The following PTPRT variants were observed in gnomAD, a reference collection of about 807,000 sequenced individuals.
PTPRT encodes the protein protein tyrosine phosphatase receptor type T, also known as receptor-type tyrosine-protein phosphatase T.
In PTPRT, 56 loss-of-function variants were observed where a neutral mutation model predicts 176.8. That is an observed-to-expected ratio of 0.32 (90% CI 0.26 to 0.40). The LOEUF is 0.40. Ranked by LOEUF, PTPRT falls within the 10% of genes least tolerant of loss-of-function variation. The probability of loss-of-function intolerance (pLI) is 1.00; values close to 1 mark genes in which losing one functional copy is unlikely to be tolerated. For synonymous variants in PTPRT, 783 were observed against 739.0 expected (o/e 1.06, Z -0.96); for missense variants, 1,540 against 1,908.2 (o/e 0.81, Z 3.60).
intron 11 of PTPRT, among the ~76,000 whole-genome samples, chr20:42,322,651 A>C (rs1329484129): frequency 1.3e-5 from 2 of 151,726 alleles, no homozygotes; most frequent in Non-Finnish European, 2.9e-5. Flanking sequence ...TAAAACCATA[A>C]AAAACCTAGA....
At chr20:42,411,665 T>C (rs1351488620) in intron 9 of PTPRT, among the ~76,000 whole-genome samples, 2 of 151,912 alleles carry the variant, frequency 1.3e-5, no homozygotes, top group Non-Finnish European at 2.9e-5. Flanking sequence ...ATCTTTGAGA[T>C]ATTAAAAGGA....
chr20:42,272,573 C>A (rs1357309734), intron 13 of PTPRT, among the ~76,000 whole-genome samples: 1 of 152,144 alleles, frequency 6.6e-6, no homozygotes, highest in Non-Finnish European at 1.5e-5. Flanking sequence ...CTTCTCCCTG[C>A]CTTAGTCTTC....
chr20:42,042,761 A>G, the PTPRT span, among the ~76,000 whole-genome samples: 1 of 152,128 alleles, frequency 6.6e-6, no homozygotes, highest in East Asian at 1.9e-4. Context: ...TTTCAGATCT[A>G]CTCAATTTTG....
At chr20:42,234,108 C>A (rs1021459073) in intron 15 of PTPRT, among the ~76,000 whole-genome samples, 1 of 152,132 alleles carries the variant, frequency 6.6e-6, no homozygotes, top group African/African-American at 2.4e-5. Context: ...AACATGCATA[C>A]CCTAAGAGGC....
At chr20:42,979,957 G>C (rs1438744937) in intron 1 of PTPRT, among the ~76,000 whole-genome samples, 1 of 130,960 alleles carries the variant, frequency 7.6e-6, no homozygotes, top group Admixed American at 8.0e-5. Context: ...AGAAGCCGGA[G>C]AGCATGCAAG....
chr20:42,985,793 G>T (rs528005921), intron 1 of PTPRT, among the ~76,000 whole-genome samples: 3 of 152,222 alleles, frequency 2.0e-5, no homozygotes, highest in Admixed American at 1.3e-4. Flanking sequence ...GTCTAGCGGG[G>T]GGATGAGGAG....
intron 7 of PTPRT, among the ~76,000 whole-genome samples, chr20:42,498,826 C>T (rs2071698711): frequency 6.6e-6 from 1 of 152,144 alleles, no homozygotes; most frequent in African/African-American, 2.4e-5. Context: ...CCACCTATGA[C>T]CTGGAAGCCC....
At chr20:42,285,911 CA>C (rs2057222491) in intron 12 of PTPRT, among the ~76,000 whole-genome samples, 2 of 151,658 alleles carry the variant, frequency 1.3e-5, no homozygotes, top group South Asian at 4.2e-4. Flanking sequence ...CTAAAAAATA[CA>C]AAAATCAGTA....
At chr20:42,738,245 G>T (rs1275925226) in intron 6 of PTPRT, among the ~76,000 whole-genome samples, 1 of 152,176 alleles carries the variant, frequency 6.6e-6, no homozygotes, top group Non-Finnish European at 1.5e-5. Flanking sequence ...GGGCATGGTA[G>T]CTCATGCCTG....
At chr20:42,227,667 G>T (rs2056049625) in intron 15 of PTPRT, among the ~76,000 whole-genome samples, 1 of 129,252 alleles carries the variant, frequency 7.7e-6, no homozygotes, top group Non-Finnish European at 1.6e-5. Flanking sequence ...GAGTGCAATG[G>T]TATGATCTCA....
intron 13 of PTPRT, among the ~76,000 whole-genome samples, chr20:42,280,320 T>C (rs1225533767): frequency 6.6e-6 from 1 of 152,154 alleles, no homozygotes; most frequent in South Asian, 2.1e-4. Context: ...TCCCCAAGCA[T>C]CCTTCTTATC....
intron 7 of PTPRT, among the ~76,000 whole-genome samples, chr20:42,493,912 C>T (rs919701825): frequency 7.3e-5 from 11 of 151,376 alleles, no homozygotes; most frequent in Non-Finnish European, 1.5e-4. Context: ...CTCTTCATAC[C>T]CCTCCATTTA....
intron 11 of PTPRT, among the ~76,000 whole-genome samples, chr20:42,333,576 C>A (rs1351807219): frequency 6.6e-6 from 1 of 152,166 alleles, no homozygotes; most frequent in Non-Finnish European, 1.5e-5. Context: ...TCGTGATCCA[C>A]CCACCTCGCC....
At chr20:42,189,941 G>A (rs371444222) in intron 16 of PTPRT, among the ~76,000 whole-genome samples, 1 of 152,088 alleles carries the variant, frequency 6.6e-6, no homozygotes, top group African/African-American at 2.4e-5. Flanking sequence ...ATGGAAAATT[G>A]GTCAACTTTC....
chr20:42,546,512 AC>A (rs1486527393), intron 7 of PTPRT, among the ~76,000 whole-genome samples: 2 of 152,074 alleles, frequency 1.3e-5, no homozygotes, highest in Non-Finnish European at 2.9e-5. Context: ...AGAAAGAAAT[AC>A]GGAGTCCTTC....
chr20:42,477,855 A>G (rs1474561400), intron 7 of PTPRT, among the ~76,000 whole-genome samples: 1 of 152,222 alleles, frequency 6.6e-6, no homozygotes, highest in Non-Finnish European at 1.5e-5. Flanking sequence ...CTCTTAGGCT[A>G]GACAACAGTG....
At chr20:42,258,287 T>C (rs2056685158) in intron 13 of PTPRT, among the ~76,000 whole-genome samples, 2 of 152,178 alleles carry the variant, frequency 1.3e-5, no homozygotes, top group Non-Finnish European at 2.9e-5. Flanking sequence ...ATCTAAGGGA[T>C]TGATGAACAT....
intron 1 of PTPRT, among the ~76,000 whole-genome samples, chr20:42,998,150 A>G (rs553853064): frequency 6.6e-6 from 1 of 152,370 alleles, no homozygotes; most frequent in South Asian, 2.1e-4. Context: ...AACATTAACC[A>G]GAGGATAGAT....
intron 1 of PTPRT, among the ~76,000 whole-genome samples, chr20:43,056,166 TG>T (rs957316370): frequency 6.6e-6 from 1 of 152,026 alleles, no homozygotes; most frequent in African/African-American, 2.4e-5. Context: ...CAACCTGAAA[TG>T]GGGGCTGTAA....
Sources: allele counts gnomAD v4.1 joint callset (sites outside exome capture counted in the v4.1 genomes callset), GRCh38; gene constraint gnomAD v4.1.1; transcripts MANE v1.5; gene names NCBI Gene and HGNC (gene_info 2026-07-23, HGNC 2026-07-21).